The following CUL9 variants were observed in gnomAD, a reference collection of about 807,000 sequenced individuals.
The protein encoded by CUL9 is cullin 9, also known as cullin-9.
In CUL9, 79 loss-of-function variants were observed where a neutral mutation model predicts 272.6. That is an observed-to-expected ratio of 0.29 (90% CI 0.24 to 0.35). CUL9 has a LOEUF of 0.35. CUL9 is among the 10% of genes least tolerant of loss of function. The pLI is 1.00. For missense variants in CUL9, 2,532 were observed against 3,255.6 expected, an observed-to-expected ratio of 0.78 and a Z score of 5.41; for synonymous variants, 1,186 against 1,286.5, an observed-to-expected ratio of 0.92 and a Z score of 1.67.
chr6:43,186,128 C>T lies in CUL9; in HGVS notation c.924C>T (p.Asn308=). 1 of 1,614,260 alleles carries T rather than the reference C, an allele frequency of 6.2e-7. No individual in the cohort carries two copies. The change falls in exon 4 of 41, where the codon AAC becomes AAT. Residue 308 remains asparagine, a synonymous_variant. Coordinates refer to ENST00000252050, the MANE Select transcript of CUL9 (RefSeq NM_015089.4). ...RELEFSMAVG[N]LISELVRSMG... is the part of the protein sequence containing the mutation. ...TGGAGTTCAGCATGGCTGTGGGCAACCTCATCTCTGAGCTTGTGCGGAGCA... is the reference window on the plus strand; with the variant it reads ...TGGAGTTCAGCATGGCTGTGGGCAATCTCATCTCTGAGCTTGTGCGGAGCA...
chr6:43,204,633 C>T (rs555500553), intron 21 of CUL9, 94 bp downstream of exon 21: 77 of 1,581,458 alleles, frequency 4.9e-5, no homozygotes, highest in East Asian at 6.7e-5. Flanking sequence ...GCTTTGCTAC[C>T]GGCCTTTCCA....
At position 43,221,134 on chromosome 6, in the gene CUL9, C is replaced by A. The variant is rs574164008; in HGVS notation, c.6589-24C>A. ...TGCTGCCCTCACGGCTCAGCTGTGT[C>A]CCCACCATGCCCTCTTGCCTTAGGC... On this transcript the variant is annotated intron_variant, in intron 33 of 40. Coordinates refer to ENST00000252050, the MANE Select transcript of CUL9 (RefSeq NM_015089.4). The surrounding 1 kb of genome is among the most constrained non-coding windows in gnomAD (Gnocchi z 4.2). The A allele has an allele frequency of 6.2e-7, 1 of 1,607,718 alleles. No individual in the cohort carries two copies. The highest frequency in any genetic ancestry group is 2.2e-5 in the East Asian group (1 of 44,822).
In CUL9 at chr6:43,184,269, A is replaced by AT. The variant is rs780084795; in HGVS notation, c.-9-32dup. The AT allele has an allele frequency of 1.7e-5, 23 of 1,378,160 alleles. No individual in the cohort carries two copies. In the Admixed American group the frequency reaches 7.0e-4, roughly 42 times the overall value. The allele number at this position is 1,378,160 out of a possible 1,614,324, so 85.4% of individuals were successfully genotyped here. A position where few individuals can be genotyped will look rare whatever the true frequency, so the allele number is the denominator to read the frequency against. The stretch of plus-strand genomic sequence containing the variant: ...CTCCATGTATTTTTTTTCTTTTCTC[A>AT]TACTGCCTTATCTTTCTCCTTGTGT... On this transcript the variant is annotated intron_variant, in intron 1 of 40. Coordinates refer to ENST00000252050, the MANE Select transcript of CUL9 (RefSeq NM_015089.4). This position sits in a 1 kb window ranked among gnomAD's most constrained non-coding sequence, Gnocchi z 4.8.
In CUL9 at chr6:43,184,686, G is replaced by A. The variant is rs201979743; in HGVS notation, c.376G>A (p.Ala126Thr). The part of the protein sequence containing the change: ...EADVQALVRR[A>T]ARQLAESGTP... Reference sequence around the variant, plus strand: ...TGATGTTCAGGCGCTGGTACGCAGGGCGGCCAGGCAGCTGGCAGAAAGTGG... The same window carrying A: ...TGATGTTCAGGCGCTGGTACGCAGGACGGCCAGGCAGCTGGCAGAAAGTGG... Residue 126 changes from alanine to threonine, a missense_variant, in exon 2 of 41, where the codon GCG becomes ACG. By Grantham distance (58) the Ala-to-Thr change is moderately conservative. Transcript: ENST00000252050. This position sits in a 1 kb window ranked among gnomAD's most constrained non-coding sequence, Gnocchi z 4.8. 2 of 1,613,048 alleles carry A rather than the reference G, an allele frequency of 1.2e-6. No individual in the cohort carries two copies. The highest frequency in any genetic ancestry group is 2.2e-5 in the East Asian group (1 of 44,846).
At position 43,215,085 on chromosome 6, in the gene CUL9, G is replaced by A; in HGVS notation, c.5695G>A (p.Glu1899Lys). 6.2e-7 allele frequency: 1 copy of A among 1,602,224 alleles called. No homozygotes were observed. Residue 1899 changes from glutamate to lysine, a missense_variant, in exon 30 of 41, where the codon GAG becomes AAG. This residue lies in a region of CUL9 where 2,218 missense variants were observed against 2,788.6 expected (regional missense o/e 0.80). Coordinates refer to ENST00000252050, the MANE Select transcript of CUL9 (RefSeq NM_015089.4). ...HIDQLVCLVL[E>K]AWQKGPNPPG... is the part of the protein sequence containing the mutation. ...TTTCTTTCCTCCTATCCAGGTGCTG[G>A]AGGCCTGGCAGAAGGGTCCAAATCC...
At position 43,186,402 on chromosome 6, in the gene CUL9, G is replaced by C. The variant is rs1772915996; in HGVS notation, c.1198G>C (p.Ala400Pro). The change falls in exon 4 of 41, where the codon GCT becomes CCT. Residue 400 changes from alanine (A) to proline (P), a missense_variant. Physicochemically the swap from Ala to Pro is conservative, Grantham distance 27. Around this residue, in one of 3 missense-constraint regions of CUL9, gnomAD observed 2,218 missense variants for 2,788.6 expected, o/e 0.80. Transcript: ENST00000252050. Reference protein sequence around the residue: ...RMLDDYEEISAGDEGEFRQSN... With the variant: ...RMLDDYEEISPGDEGEFRQSN... The stretch of plus-strand genomic sequence containing the variant: ...GCTGGATGATTATGAGGAGATCAGT[G>C]CTGGGGACGAGGGCGAGTTCCGGCA... The C allele has an allele frequency of 6.2e-7, 1 of 1,609,046 alleles. No individual in the cohort carries two copies. Among genetic ancestry groups the C allele is most frequent in the African/African-American group, 1.3e-5 (1 of 74,838 alleles).
intron 35 of CUL9, chr6:43,222,001 C>T (rs910427130): frequency 3.4e-6 from 2 of 596,276 alleles, no homozygotes; most frequent in African/African-American, 1.9e-5. Flanking sequence ...ACCGAGGTGG[C>T]TACAGAAAGG....
In CUL9 at chr6:43,223,043, G is replaced by A. The variant is rs1776501505; in HGVS notation, c.7150+147G>A. On this transcript the variant is annotated intron_variant, in intron 38 of 40. Transcript: ENST00000252050. The surrounding 1 kb of genome is among the most constrained non-coding windows in gnomAD (Gnocchi z 4.1). ...TTCATGGCCTTCTCACTGCCTGGCT[G>A]TTAAAGCTCAGGTCGAAAGCCTACA... The A allele has an allele frequency of 1.1e-6, 1 of 901,754 alleles. No homozygotes were observed. Among genetic ancestry groups the A allele is most frequent in the Non-Finnish European group, 1.7e-6 (1 of 588,078 alleles). The allele number at this position is 901,754 out of a possible 1,614,324, so 55.9% of individuals were successfully genotyped here.
Position 43,223,899 on chromosome 6 carries a change from C to T in CUL9, c.7285-196C>T, listed in dbSNP as rs1194034547. 4.8e-6 allele frequency: 3 copies of T among 623,222 alleles called. No individual in the cohort carries two copies. The highest frequency in any genetic ancestry group is 8.6e-6 in the Non-Finnish European group (3 of 347,704). The allele number at this position is 623,222 out of a possible 1,614,324, so 38.6% of individuals were successfully genotyped here. A position where few individuals can be genotyped will look rare whatever the true frequency, so the allele number is the denominator to read the frequency against. On this transcript the variant is annotated intron_variant, in intron 39 of 40. Coordinates refer to ENST00000252050, the MANE Select transcript of CUL9 (RefSeq NM_015089.4). The surrounding 1 kb of genome is among the most constrained non-coding windows in gnomAD (Gnocchi z 4.1). ...AGCTCTTTAAGCACAGGGTCGTGTGCCTCACCTGGTACCCCGTATCCCTGG... is the reference window on the plus strand; with the variant it reads ...AGCTCTTTAAGCACAGGGTCGTGTGTCTCACCTGGTACCCCGTATCCCTGG...
chr6:43,189,320 G>A (rs1415642732), intron 8 of CUL9, among the ~76,000 whole-genome samples: 1 of 151,870 alleles, frequency 6.6e-6, no homozygotes, highest in African/African-American at 2.4e-5. Context: ...CTCCCAAGTA[G>A]CTGGGATTAC....
rs774842371 is a variant in CUL9 at position 43,216,314 on chromosome 6, C to T, written c.6093C>T (p.Ser2031=). ...TCGCTCAGCACCTTTTGGCTCATTC[C>T]CACTGGGGCGCTGAACAGCTGCTGC... ...PDVAQHLLAH[S]HWGAEQLLQS... is the part of the protein sequence containing the mutation. Residue 2031 remains serine, a synonymous_variant, in exon 31 of 41, where the codon TCC becomes TCT. Transcript: ENST00000252050. 1 of 1,614,142 alleles carries T rather than the reference C, an allele frequency of 6.2e-7. No individual in the cohort carries two copies.
At chr6:43,216,039 G>A (rs1775903894) in intron 30 of CUL9, 119 bp from the exon 31 acceptor site, 2 of 925,290 alleles carry the variant, frequency 2.2e-6, no homozygotes, top group African/African-American at 1.7e-5. Flanking sequence ...TTATCCTGAG[G>A]CTGCTTAGGC....
chr6:43,196,210 G>A lies in CUL9; in HGVS notation c.2530G>A (p.Glu844Lys). The A allele has an allele frequency of 6.2e-7, 1 of 1,614,160 alleles. No homozygotes were observed. ...SIDSATRPGS[E>K]SLLLTVPAAV... Reference sequence around the variant, plus strand: ...CGACTCAGCCACACGCCCGGGCTCTGAGAGCCTGCTCCTCACTGTCCCTGC... The same window carrying A: ...CGACTCAGCCACACGCCCGGGCTCTAAGAGCCTGCTCCTCACTGTCCCTGC... Residue 844 changes from glutamate to lysine, a missense_variant, in exon 10 of 41, where the codon GAG becomes AAG. Glu to Lys is a moderately conservative substitution (Grantham distance 56, BLOSUM62 1). Transcript: ENST00000252050.
chr6:43,203,567 C>G lies in CUL9; in HGVS notation c.4000C>G (p.Arg1334Gly), dbSNP rs200066295. 1 of 1,613,588 alleles carries G rather than the reference C, an allele frequency of 6.2e-7. No homozygotes were observed. Among genetic ancestry groups the G allele is most frequent in the Admixed American group, 1.7e-5 (1 of 60,004 alleles). The change falls in exon 19 of 41, where the codon CGG becomes GGG. Residue 1334 changes from arginine (R) to glycine (G), a missense_variant. By Grantham distance (125) the Arg-to-Gly change is moderately radical. Around this residue, in one of 3 missense-constraint regions of CUL9, gnomAD observed 2,218 missense variants for 2,788.6 expected, o/e 0.80. Transcript: ENST00000252050. This position sits in a 1 kb window ranked among gnomAD's most constrained non-coding sequence, Gnocchi z 5.0. ...GAGCCGGGACATAGCAGAGGACCAC[C>G]GGCGCCTCCTCCAGCTCTGTCCCAG... The part of the protein sequence containing the change: ...AWSRDIAEDH[R>G]RLLQLCPRLN...
rs1776608937 is a variant in CUL9 at position 43,224,084 on chromosome 6, C to T, written c.7285-11C>T. The T allele has an allele frequency of 6.2e-7, 1 of 1,613,792 alleles. No homozygotes were observed. ...CTACCTCCTTCTCAAATCCTTCTGT[C>T]TGCTCACCAGGATTTCCGGGTTGGT... On this transcript the variant is annotated splice_polypyrimidine_tract_variant and intron_variant, in intron 39 of 40. Coordinates refer to ENST00000252050, the MANE Select transcript of CUL9 (RefSeq NM_015089.4). This position sits in a 1 kb window ranked among gnomAD's most constrained non-coding sequence, Gnocchi z 4.2.
chr6:43,188,546 C>G lies in CUL9; in HGVS notation c.2011C>G (p.Pro671Ala). ...AGAAATGGCCAGAGCCTTGCGGGGTCCCGGTCCTCGCAGCTCCCTGGATCA... is the reference window on the plus strand; with the variant it reads ...AGAAATGGCCAGAGCCTTGCGGGGTGCCGGTCCTCGCAGCTCCCTGGATCA... ...ASEMARALRG[P>A]GPRSSLDQHV... Residue 671 changes from proline (P) to alanine (A), a missense_variant, in exon 8 of 41, where the codon CCC becomes GCC. Transcript: ENST00000252050. 6.2e-7 allele frequency: 1 copy of G among 1,612,046 alleles called. No individual in the cohort carries two copies. Among genetic ancestry groups the G allele is most frequent in the Non-Finnish European group, 8.5e-7 (1 of 1,178,946 alleles).
chr6:43,197,242 T>C (rs2150561161), intron 11 of CUL9, among the ~76,000 whole-genome samples: 2 of 152,066 alleles, frequency 1.3e-5, no homozygotes, highest in Middle Eastern at 6.8e-3. Context: ...AGACAGGGTT[T>C]CACCATGTTG....
Position 43,213,120 on chromosome 6 carries a change from C to G in CUL9, c.5213-29C>G, listed in dbSNP as rs777308926. On this transcript the variant is annotated intron_variant, in intron 26 of 40. Coordinates refer to ENST00000252050, the MANE Select transcript of CUL9 (RefSeq NM_015089.4). This position sits in a 1 kb window ranked among gnomAD's most constrained non-coding sequence, Gnocchi z 5.7. Reference sequence around the variant, plus strand: ...ACCCCTTGTTTCGCCCATTCTGTGTCTCCACCCTTCTCCTTGACACTTGCC... The same window carrying G: ...ACCCCTTGTTTCGCCCATTCTGTGTGTCCACCCTTCTCCTTGACACTTGCC... 1.9e-6 allele frequency: 3 copies of G among 1,610,062 alleles called. No individual in the cohort carries two copies. The highest frequency in any genetic ancestry group is 3.3e-5 in the Admixed American group (2 of 59,766).
At position 43,222,823 on chromosome 6, in the gene CUL9, A is replaced by C. The variant is rs1333800750; in HGVS notation, c.7077A>C (p.Ala2359=). The change falls in exon 38 of 41, where the codon GCA becomes GCC. Residue 2359 remains alanine (A), a synonymous_variant. Transcript: ENST00000252050. The part of the protein sequence containing the change: ...ACVYSFYSQD[A]EYMDVVEQQT... ...TGTACAGCTTCTACAGCCAGGACGCAGAGTACATGGATGTGGTGGAGCAGC... is the reference window on the plus strand; with the variant it reads ...TGTACAGCTTCTACAGCCAGGACGCCGAGTACATGGATGTGGTGGAGCAGC... 3 of 1,614,114 alleles carry C rather than the reference A, an allele frequency of 1.9e-6. No homozygotes were observed. The highest frequency in any genetic ancestry group is 2.5e-6 in the Non-Finnish European group (3 of 1,180,000).
Sources: allele counts gnomAD v4.1 joint callset (sites outside exome capture counted in the v4.1 genomes callset), GRCh38; gene constraint gnomAD v4.1.1; regional missense constraint gnomAD v4.1.1; non-coding constraint Gnocchi (gnomAD v3.1); transcripts MANE v1.5; gene names NCBI Gene and HGNC (gene_info 2026-07-23, HGNC 2026-07-21).